The following ZFP64 variants were observed in gnomAD, a reference collection of about 807,000 sequenced individuals.
ZFP64 encodes ZFP64 zinc finger protein, also known as zinc finger protein 64.
In ZFP64, 14 loss-of-function variants were observed where a neutral mutation model predicts 51.6. The ratio of observed to expected loss-of-function variants is 0.27; its 90% CI spans 0.18 to 0.42. The LOEUF (loss-of-function observed/expected upper bound fraction) is 0.42. ZFP64 is among the 10% of genes least tolerant of loss of function. The pLI, the probability that ZFP64 is intolerant of heterozygous loss-of-function variation, is 1.00. For synonymous variants in ZFP64, 375 were observed against 361.4 expected (o/e 1.04, Z -0.43); for missense variants, 754 against 906.8 (o/e 0.83, Z 2.16).
At chr20:52,123,289 G>A (rs1379616105) in intron 5 of ZFP64, among the ~76,000 whole-genome samples, 1 of 152,208 alleles carries the variant, frequency 6.6e-6, no homozygotes, top group African/African-American at 2.4e-5. Context: ...TTACAGGCAT[G>A]AGCTGCTGCG....
Position 52,119,555 on chromosome 20 carries a change from C to T in ZFP64, c.764-20968G>A, listed in dbSNP as rs8183723. 7.9e-3 allele frequency among the ~76,000 whole-genome samples: 610 copies of T among 77,608 alleles called. 5 individuals are homozygous for T. The highest frequency in any genetic ancestry group is 0.024 in the African/African-American group (540 of 22,172). The allele number at this position is 77,608 out of a possible 152,430, so 50.9% of individuals were successfully genotyped here. On this transcript the variant is annotated intron_variant, in intron 5 of 8. Transcript: ENST00000361387. ...AAAAATATATATATATATATATATA[C>T]ATATATATATATACACACACAACAC...
At chr20:52,097,416 G>A (rs971933612) in exon 7 of ZFP64, 5 of 1,611,998 alleles carry the variant, frequency 3.1e-6, no homozygotes, top group Non-Finnish European at 4.2e-6. Context: ...TCATGCCATG[G>A]ACAGTTTTGA....
At chr20:52,090,133 A>G (rs544383715) in intron 7 of ZFP64, among the ~76,000 whole-genome samples, 2 of 152,266 alleles carry the variant, frequency 1.3e-5, no homozygotes, top group African/African-American at 2.4e-5. Flanking sequence ...AACACTAAAG[A>G]CAGCCATGCA....
chr20:52,097,170 A>C (rs1336570842), intron 7 of ZFP64: 3 of 796,590 alleles, frequency 3.8e-6, no homozygotes, highest in South Asian at 2.7e-5. Flanking sequence ...CTATAGCCAC[A>C]GGCTCTGTGT....
chr20:52,110,704 C>T (rs1290069356), intron 5 of ZFP64: 4 of 1,573,482 alleles, frequency 2.5e-6, no homozygotes, highest in Non-Finnish European at 2.6e-6. Flanking sequence ...CTTCAGCCAG[C>T]GCTGGATGGC....
At chr20:52,133,437 G>A (rs756804743) in intron 5 of ZFP64, among the ~76,000 whole-genome samples, 21 of 152,106 alleles carry the variant, frequency 1.4e-4, no homozygotes, top group Non-Finnish European at 2.2e-4. Context: ...CAGATGATAT[G>A]ATCTTATATT....
At chr20:52,139,051 C>T (rs780442610) in intron 5 of ZFP64, among the ~76,000 whole-genome samples, 10 of 151,996 alleles carry the variant, frequency 6.6e-5, no homozygotes, top group African/African-American at 1.9e-4. Flanking sequence ...TTCACAAGGT[C>T]GAGGAGAAAA....
At chr20:52,170,048 C>T (rs938812825) in intron 2 of ZFP64, among the ~76,000 whole-genome samples, 8 of 150,662 alleles carry the variant, frequency 5.3e-5, no homozygotes, top group African/African-American at 2.0e-4. Flanking sequence ...AGCAAAATTC[C>T]GTCTCAAAAA....
chr20:52,166,910 T>C (rs72626581), intron 2 of ZFP64, among the ~76,000 whole-genome samples: 39,582 of 151,908 alleles, frequency 0.26, 5,320 homozygotes, highest in Admixed American at 0.31. Flanking sequence ...TGGGGCAAAA[T>C]TAGTCTAATT....
intron 2 of ZFP64, among the ~76,000 whole-genome samples, chr20:52,177,686 GAGAGAT>G (rs1438419648): frequency 6.6e-6 from 1 of 151,924 alleles, no homozygotes; most frequent in African/African-American, 2.4e-5. Flanking sequence ...TTCTGGCTAT[GAGAGAT>G]AATATGTGTC....
rs779914417 is a variant in ZFP64, at chr20:52,109,780, C to CAAA, written c.764-11196_764-11194dup. Among the ~76,000 whole-genome samples the CAAA allele has an allele frequency of 4.2e-3, 190 of 45,608 alleles. 1 individual carries two copies. Among genetic ancestry groups the CAAA allele is most frequent in the African/African-American group, 5.8e-3 (77 of 13,248 alleles). The allele number at this position is 45,608 out of a possible 152,430, so 29.9% of individuals were successfully genotyped here. A position where few individuals can be genotyped will look rare whatever the true frequency, so the allele number is the denominator to read the frequency against. ...TGGGTGACACAGCGAAATTCCACCT[C>CAAA]AAAAAAAAAAAAAAAAAAAAAAGAA... On this transcript the variant is annotated intron_variant, in intron 5 of 8. Transcript: ENST00000361387.
At chr20:52,142,378 A>ACACACACACACACACGCGCGCGCG (rs1555804621) in intron 5 of ZFP64, among the ~76,000 whole-genome samples, 1 of 38,348 alleles carries the variant, frequency 2.6e-5, no homozygotes, top group South Asian at 8.3e-4. Context: ...ACACACACAG[A>ACACACACACACACACGCGCGCGCG]CACACACACA....
intron 5 of ZFP64, among the ~76,000 whole-genome samples, chr20:52,108,684 A>AT (rs561670849): frequency 4.6e-5 from 7 of 151,170 alleles, no homozygotes; most frequent in African/African-American, 1.7e-4. Context: ...ATTTTTTTTT[A>AT]TTTTTAGTAG....
intron 5 of ZFP64, among the ~76,000 whole-genome samples, chr20:52,125,072 A>G (rs6096777): frequency 0.97 from 147,174 of 152,330 alleles, 71,114 homozygotes; most frequent in East Asian, 1. Context: ...CATCTAAGCT[A>G]GTGTCCTTTA....
At chr20:52,098,360 C>T (rs750871011) in intron 6 of ZFP64, 17 of 1,565,636 alleles carry the variant, frequency 1.1e-5, no homozygotes, top group African/African-American at 6.8e-5. Flanking sequence ...CATGAGCAGG[C>T]AGCTCAGAGA....
In ZFP64 at chr20:52,179,902, C is replaced by A. The variant is rs187038823; in HGVS notation, c.286+6930G>T. Among the ~76,000 whole-genome samples the A allele has an allele frequency of 1.5e-3, 224 of 152,290 alleles. 1 individual carries two copies. The highest frequency in any genetic ancestry group is 5.3e-3 in the African/African-American group (219 of 41,556). ...AAATATTATCAAGAGGGAAAGAAGG[C>A]TAGACAGAGCAAGACTCAAACTTTA... On this transcript the variant is annotated intron_variant, in intron 2 of 5. Transcript: ENST00000216923.
chr20:52,191,285 G>A lies in ZFP64; in HGVS notation c.46+306C>T, dbSNP rs892909477. ...CGCCCCAAACTCCGCCTGATGGGGC[G>A]GGAATGCCCTTAGGGGGTGGCGATT... On this transcript the variant is annotated intron_variant, in intron 1 of 5. Coordinates refer to ENST00000216923, the MANE Select transcript of ZFP64 (RefSeq NM_018197.3). The surrounding 1 kb of genome is among the most constrained non-coding windows in gnomAD (Gnocchi z 4.3). 2.0e-5 allele frequency among the ~76,000 whole-genome samples: 3 copies of A among 152,154 alleles called. No homozygotes were observed. The highest frequency in any genetic ancestry group is 7.2e-5 in the African/African-American group (3 of 41,450).
intron 5 of ZFP64, among the ~76,000 whole-genome samples, chr20:52,103,271 A>G (rs941598178): frequency 1.3e-5 from 2 of 152,180 alleles, no homozygotes; most frequent in Non-Finnish European, 2.9e-5. Flanking sequence ...GAAGTCCACT[A>G]ATTACTTTCC....
intron 5 of ZFP64, among the ~76,000 whole-genome samples, chr20:52,143,581 T>C (rs1280598644): frequency 7.1e-6 from 1 of 141,320 alleles, no homozygotes; most frequent in African/African-American, 2.5e-5. Context: ...TCACCAAGGC[T>C]AGAGTGCGGT....
Sources: allele counts gnomAD v4.1 joint callset (sites outside exome capture counted in the v4.1 genomes callset), GRCh38; gene constraint gnomAD v4.1.1; non-coding constraint Gnocchi (gnomAD v3.1); transcripts MANE v1.5; gene names NCBI Gene and HGNC (gene_info 2026-07-23, HGNC 2026-07-21).